Variants in SIRPB2 observed in about 807,000 individuals in gnomAD.
SIRPB2 encodes the protein signal regulatory protein beta 2, also known as signal-regulatory protein beta-2.
A neutral mutation model predicts 27.1 loss-of-function variants in SIRPB2; 18 were observed. The ratio of observed to expected loss-of-function variants is 0.66; its 90% CI spans 0.46 to 0.98. The LOEUF is 0.98. Ranked by LOEUF, SIRPB2 falls within the 50% of genes least tolerant of loss-of-function variation. SIRPB2 has a pLI of 0.00. For synonymous variants in SIRPB2, 150 were observed against 164.6 expected (o/e 0.91, Z 0.68); for missense variants, 420 against 417.4 (o/e 1.01, Z -0.06).
At chr20:1,478,105 G>T (rs2090624729) in intron 3 of SIRPB2, 161 bp downstream of exon 3, 4 of 744,010 alleles carry the variant, frequency 5.4e-6, no homozygotes, top group Non-Finnish European at 7.1e-6. Flanking sequence ...TGAAGGATGA[G>T]TAGGAGTTTT....
At chr20:1,488,487 C>G (rs1019844833) in intron 1 of SIRPB2, among the ~76,000 whole-genome samples, 2 of 151,922 alleles carry the variant, frequency 1.3e-5, no homozygotes, top group Non-Finnish European at 2.9e-5. Flanking sequence ...ACCAACCAGA[C>G]AACCACAAAA....
rs780053067 is a variant in SIRPB2 at position 1,478,239 on chromosome 20, C to A, written c.793+27G>T. 2.1e-5 allele frequency: 33 copies of A among 1,600,616 alleles called. 1 individual carries two copies. In the Middle Eastern group the frequency reaches 1.7e-3, roughly 81 times the overall value. ...CTGTTGAATACCTGCTCCGCTCTCC[C>A]GACAAGTCCAAAACCAATTGTCTCA... On this transcript the variant is annotated intron_variant, in intron 3 of 4. Transcript: ENST00000359801.
At position 1,491,280 on chromosome 20, in the gene SIRPB2, G is replaced by C. The variant is rs2090774450; in HGVS notation, c.80C>G (p.Pro27Arg). The C allele has an allele frequency of 6.2e-7, 1 of 1,610,698 alleles. No homozygotes were observed. Among genetic ancestry groups the C allele is most frequent in the Admixed American group, 1.7e-5 (1 of 59,714 alleles). ...CTATCCTAGACCCCACTTACCTGAG[G>C]GGACAAGGACCAGTGCCAGCAGCAG... Reference protein sequence around the residue: ...CFLLLALVLVPSDASGQSSRN... With the variant: ...CFLLLALVLVRSDASGQSSRN... The change falls in exon 1 of 5, where the codon CCC becomes CGC. Residue 27 changes from proline to arginine, a missense_variant. Pro to Arg is a moderately radical substitution (Grantham distance 103). Transcript: ENST00000359801.
rs1393537368 is a variant in SIRPB2, at chr20:1,479,694, C to G, written c.451+6G>C. 1.2e-6 allele frequency: 2 copies of G among 1,613,258 alleles called. No individual in the cohort carries two copies. The highest frequency in any genetic ancestry group is 1.7e-6 in the Non-Finnish European group (2 of 1,179,478). ...AAATGTGTGGTCTGCAGGGCCTGAT[C>G]CTTACCCTTCACAAGCACTGAGGTG... On this transcript the variant is annotated splice_donor_region_variant and intron_variant, in intron 2 of 4. Coordinates refer to ENST00000359801, the MANE Select transcript of SIRPB2 (RefSeq NM_001122962.2).
chr20:1,490,194 A>G (rs1204541008), intron 1 of SIRPB2, among the ~76,000 whole-genome samples: 1 of 152,196 alleles, frequency 6.6e-6, no homozygotes, highest in Non-Finnish European at 1.5e-5. Flanking sequence ...ATTATGATTC[A>G]CATCTTAGAA....
intron 2 of SIRPB2, chr20:1,479,014 C>T (rs2090638886): frequency 5.7e-6 from 1 of 176,964 alleles, no homozygotes. Context: ...CAGATACTCT[C>T]CATGTCACCA....
chr20:1,475,942 A>C lies in SIRPB2; in HGVS notation c.*225T>G. The C allele has an allele frequency of 2.0e-6, 1 of 499,914 alleles. No homozygotes were observed. Among genetic ancestry groups the C allele is most frequent in the Non-Finnish European group, 3.5e-6 (1 of 283,708 alleles). The allele number at this position is 499,914 out of a possible 1,614,324, so 31.0% of individuals were successfully genotyped here. On this transcript the variant is annotated 3_prime_UTR_variant, in exon 5 of 5. Coordinates refer to ENST00000359801, the MANE Select transcript of SIRPB2 (RefSeq NM_001122962.2). ...GGAGAGACTGAGCCAGGGACTGAAA[A>C]GCAAGGAGGTCTTGAACAGGCCAAA...
At position 1,479,984 on chromosome 20, in the gene SIRPB2, A is replaced by G; in HGVS notation, c.167T>C (p.Leu56Pro). 1 of 1,614,176 alleles carries G rather than the reference A, an allele frequency of 6.2e-7. No individual in the cohort carries two copies. Among genetic ancestry groups the G allele is most frequent in the Non-Finnish European group, 8.5e-7 (1 of 1,180,034 alleles). ...GCCGACCACCATACACCTCAGTAGAAGTGTCTCACCTTCTGCCACCAGCAT... is the reference window on the plus strand; with the variant it reads ...GCCGACCACCATACACCTCAGTAGAGGTGTCTCACCTTCTGCCACCAGCAT... ...GPMLVAEGETLLLRCMVVGSC... is the reference protein window; with the variant it reads ...GPMLVAEGETPLLRCMVVGSC... The change falls in exon 2 of 5, where the codon CTT (leucine) becomes CCT (proline). Residue 56 changes from leucine (L) to proline (P), a missense_variant. Physicochemically the swap from Leu to Pro is moderately conservative, Grantham distance 98. Coordinates refer to ENST00000359801, the MANE Select transcript of SIRPB2 (RefSeq NM_001122962.2).
At chr20:1,473,402 A>G (rs2090588177), downstream of SIRPB2, 1 of 162,646 alleles carries the variant, frequency 6.1e-6, no homozygotes, top group Non-Finnish European at 1.3e-5. Flanking sequence ...ACACACGCAC[A>G]CACACGTGCA....
chr20:1,486,589 C>T (rs1034611930), intron 1 of SIRPB2, among the ~76,000 whole-genome samples: 1 of 151,926 alleles, frequency 6.6e-6, no homozygotes, highest in African/African-American at 2.4e-5. Context: ...CAGCAATCAG[C>T]AATATTTAGA....
At chr20:1,471,528 T>C (rs1172820658), downstream of SIRPB2, among the ~76,000 whole-genome samples, 4 of 152,256 alleles carry the variant, frequency 2.6e-5, no homozygotes, top group Non-Finnish European at 4.4e-5. Flanking sequence ...ATGATCTGTG[T>C]AGCAAAGTGC....
At position 1,479,863 on chromosome 20, in the gene SIRPB2, C is replaced by A. The variant is rs1030111043; in HGVS notation, c.288G>T (p.Met96Ile). ...GTTCTGATGTCCGTTGGATCATGGG[C>A]ATTACCCCAGGGAAGGAGCCACGTT... Reference protein sequence around the residue: ...NFKRGSFPGVMPMIQRTSEPL... With the variant: ...NFKRGSFPGVIPMIQRTSEPL... Residue 96 changes from methionine (M) to isoleucine (I), a missense_variant, in exon 2 of 5, where the codon ATG becomes ATT. Met to Ile is a conservative substitution (Grantham distance 10). Coordinates refer to ENST00000359801, the MANE Select transcript of SIRPB2 (RefSeq NM_001122962.2). 6.2e-7 allele frequency: 1 copy of A among 1,614,098 alleles called. No homozygotes were observed. Among genetic ancestry groups the A allele is most frequent in the Non-Finnish European group, 8.5e-7 (1 of 1,180,056 alleles).
At chr20:1,487,917 A>G (rs1035996309) in intron 1 of SIRPB2, among the ~76,000 whole-genome samples, 2 of 152,250 alleles carry the variant, frequency 1.3e-5, no homozygotes, top group African/African-American at 4.8e-5. Context: ...TTTGGTTTAT[A>G]TCTCAAACTA....
intron 1 of SIRPB2, among the ~76,000 whole-genome samples, chr20:1,485,539 C>T (rs1011980308): frequency 4.6e-5 from 7 of 151,640 alleles, no homozygotes; most frequent in Non-Finnish European, 1.0e-4. Flanking sequence ...CACTTTCCAC[C>T]TTAAGAAACT....
downstream of SIRPB2, among the ~76,000 whole-genome samples, chr20:1,472,058 G>A (rs2090582495): frequency 6.6e-6 from 1 of 152,226 alleles, no homozygotes; most frequent in Non-Finnish European, 1.5e-5. Flanking sequence ...ATCTTGGAGT[G>A]TAGTCACTGA....
intron 3 of SIRPB2, 91 bp from the exon 4 acceptor site, chr20:1,477,494 C>G (rs1416456930): frequency 6.5e-7 from 1 of 1,529,566 alleles, no homozygotes; most frequent in Admixed American, 2.1e-5. Context: ...TGGGATGAGT[C>G]TGCCAGTTTC....
At chr20:1,477,509 T>C (rs577418691) in intron 3 of SIRPB2, 106 bp from the exon 4 acceptor site, 5 of 1,518,866 alleles carry the variant, frequency 3.3e-6, no homozygotes, top group African/African-American at 2.8e-5. Context: ...AGTTTCTATG[T>C]GGGTATGGGC....
At position 1,477,342 on chromosome 20, in the gene SIRPB2, T is replaced by C; in HGVS notation, c.855A>G (p.Pro285=). 1 of 1,614,242 alleles carries C rather than the reference T, an allele frequency of 6.2e-7. No individual in the cohort carries two copies. Residue 285 remains proline, a synonymous_variant, in exon 4 of 5, where the codon CCA becomes CCG. Coordinates refer to ENST00000359801, the MANE Select transcript of SIRPB2 (RefSeq NM_001122962.2). ...CACTGAGGTGGGTACGCTCACCTGT[T>C]GGAGACATCTCAGTTGCAGGTTCAC... ...FTSEPATEMS[P]TGLLVVFAPV...
At chr20:1,484,853 C>A (rs1472413574) in intron 1 of SIRPB2, among the ~76,000 whole-genome samples, 2 of 152,108 alleles carry the variant, frequency 1.3e-5, no homozygotes, top group African/African-American at 4.8e-5. Flanking sequence ...ATAGAAATGC[C>A]ATATCACCCA....
Sources: gnomAD v4.1 joint callset for allele counts (sites outside exome capture counted in the v4.1 genomes callset) on GRCh38, gnomAD v4.1.1 for gene constraint, MANE v1.5 for transcripts, NCBI Gene and HGNC (gene_info 2026-07-23, HGNC 2026-07-21) for gene names.